The following OR3A2 variants were observed in gnomAD, a reference collection of about 807,000 sequenced individuals.
OR3A2 encodes the protein olfactory receptor family 3 subfamily A member 2.
For synonymous variants in OR3A2, 126 were observed against 159.3 expected (o/e 0.79, Z 1.57); for missense variants, 318 against 392.8 (o/e 0.81, Z 1.61).
chr17:3,304,448 C>T (rs560222884), intron 3 of OR3A2, among the ~76,000 whole-genome samples: 2 of 152,268 alleles, frequency 1.3e-5, no homozygotes, highest in African/African-American at 4.8e-5. Flanking sequence ...TGTGGTTGGC[C>T]ACTCTTTCTG....
At chr17:3,337,213 G>A (rs192302007) in intron 2 of OR3A2, among the ~76,000 whole-genome samples, 2 of 152,240 alleles carry the variant, frequency 1.3e-5, no homozygotes, top group East Asian at 3.9e-4. Flanking sequence ...GTAGGATTAA[G>A]TATATTCACT....
At chr17:3,350,347 G>C (rs1597353813) in intron 2 of OR3A2, among the ~76,000 whole-genome samples, 1 of 145,550 alleles carries the variant, frequency 6.9e-6, no homozygotes, top group African/African-American at 2.5e-5. Flanking sequence ...ATGATAAAGG[G>C]GATATCACCA....
At chr17:3,375,572 G>C (rs1429767130) in intron 2 of OR3A2, among the ~76,000 whole-genome samples, 1 of 152,090 alleles carries the variant, frequency 6.6e-6, no homozygotes, top group Non-Finnish European at 1.5e-5. Context: ...AAAATGTTGA[G>C]ATTACAGGCA....
chr17:3,283,018 T>TTCTC (rs150626528), intron 1 of OR3A2, among the ~76,000 whole-genome samples: 27,300 of 151,944 alleles, frequency 0.18, 3,027 homozygotes, highest in African/African-American at 0.29. Context: ...TGCTCTCCTC[T>TTCTC]TCTGTCTCTT....
At chr17:3,364,827 A>T (rs1391790557) in intron 2 of OR3A2, among the ~76,000 whole-genome samples, 2 of 152,172 alleles carry the variant, frequency 1.3e-5, no homozygotes, top group Non-Finnish European at 2.9e-5. Flanking sequence ...AGTAGCCAAG[A>T]TATGGAATCA....
In OR3A2 at chr17:3,377,239, G is replaced by A. The variant is rs954620083; in HGVS notation, c.-179+6565C>T. Among the ~76,000 whole-genome samples the A allele has an allele frequency of 9.2e-5, 14 of 152,128 alleles. No homozygotes were observed. The South Asian group carries it at 2.3e-3, about 25-fold the overall frequency. ...CAAGGGGGAGCTGCATGTTAGTCCC[G>A]TCTCCTAACCGCCATTTTCCTAGCA... On this transcript the variant is annotated intron_variant, in intron 2 of 4. Coordinates refer to the OR3A2 transcript ENST00000573491.
chr17:3,283,028 TTCTC>T (rs144145836), intron 1 of OR3A2, among the ~76,000 whole-genome samples: 4 of 151,090 alleles, frequency 2.6e-5, no homozygotes, highest in Admixed American at 6.6e-5. Flanking sequence ...TTCTGTCTCT[TTCTC>T]TCTCTCTCTC....
intron 3 of OR3A2, among the ~76,000 whole-genome samples, chr17:3,320,172 T>C (rs1367750460): frequency 4.0e-4 from 60 of 151,776 alleles, no homozygotes; most frequent in Admixed American, 7.2e-4. Flanking sequence ...TGCATAAATG[T>C]CTTCTTTTGA....
rs1324957004 is a variant in OR3A2 at position 3,330,118 on chromosome 17, A to T, written c.-85+5915T>A. On this transcript the variant is annotated intron_variant, in intron 3 of 4. Coordinates refer to the OR3A2 transcript ENST00000573491. The stretch of plus-strand genomic sequence containing the variant: ...CTGTTCTTTTACATTTGCTGAGGAG[A>T]GCTTTACTTCCAAGTATGTGGTCAA... 7.0e-3 allele frequency among the ~76,000 whole-genome samples: 1,014 copies of T among 145,488 alleles called. 13 individuals carry two copies. Among genetic ancestry groups the T allele is most frequent in the African/African-American group, 0.026 (948 of 36,482 alleles).
intron 2 of OR3A2, among the ~76,000 whole-genome samples, chr17:3,344,135 C>T (rs1280547974): frequency 6.6e-6 from 1 of 152,150 alleles, no homozygotes; most frequent in Non-Finnish European, 1.5e-5. Flanking sequence ...TGTGGCATTG[C>T]CCCTTCTTTA....
intron 3 of OR3A2, among the ~76,000 whole-genome samples, chr17:3,315,752 G>C (rs58096817): frequency 2.0e-4 from 7 of 35,060 alleles, no homozygotes; most frequent in African/African-American, 1.2e-3. Context: ...GTGAAAATAT[G>C]GGGGGGGGGG....
At chr17:3,355,910 T>A (rs972191704) in intron 2 of OR3A2, among the ~76,000 whole-genome samples, 2 of 151,344 alleles carry the variant, frequency 1.3e-5, no homozygotes, top group Non-Finnish European at 2.9e-5. Flanking sequence ...TTTCCTTCCT[T>A]CCTGTCTTTT....
intron 3 of OR3A2, among the ~76,000 whole-genome samples, chr17:3,325,833 G>T (rs982628330): frequency 6.6e-6 from 1 of 151,950 alleles, no homozygotes; most frequent in Non-Finnish European, 1.5e-5. Flanking sequence ...GGATGTGCAG[G>T]TTTATTACAT....
intron 1 of OR3A2, chr17:3,279,136 C>T: frequency 1.4e-6 from 1 of 737,878 alleles, no homozygotes; most frequent in South Asian, 2.0e-5. Flanking sequence ...CCTCTGCTAG[C>T]TGAAAAGGTC....
chr17:3,282,960 G>A (rs1427995353), intron 1 of OR3A2, among the ~76,000 whole-genome samples: 2 of 151,960 alleles, frequency 1.3e-5, no homozygotes, highest in Non-Finnish European at 2.9e-5. Context: ...ATCCTTCCTT[G>A]AAACTTCTCC....
At chr17:3,354,236 G>T (rs2049444656) in intron 2 of OR3A2, among the ~76,000 whole-genome samples, 1 of 147,636 alleles carries the variant, frequency 6.8e-6, no homozygotes, top group South Asian at 2.1e-4. Flanking sequence ...CTATTTTTTG[G>T]AACAGTTTGA....
At chr17:3,342,964 G>A (rs938393453) in intron 2 of OR3A2, among the ~76,000 whole-genome samples, 1 of 152,210 alleles carries the variant, frequency 6.6e-6, no homozygotes, top group Admixed American at 6.5e-5. Context: ...CAGCAATGGT[G>A]GACGCCCCTC....
chr17:3,383,559 T>A (rs2049755930), intron 2 of OR3A2, among the ~76,000 whole-genome samples: 1 of 152,178 alleles, frequency 6.6e-6, no homozygotes, highest in African/African-American at 2.4e-5. Flanking sequence ...CTCTTCTCAC[T>A]GCATCACACA....
chr17:3,355,439 TC>T (rs756482023), intron 2 of OR3A2, among the ~76,000 whole-genome samples: 14,053 of 145,146 alleles, frequency 0.097, 804 homozygotes, highest in Admixed American at 0.14. Flanking sequence ...TCTCTCTCTC[TC>T]TCTCTCTCTC....
Sources: allele counts gnomAD v4.1 joint callset (sites outside exome capture counted in the v4.1 genomes callset), GRCh38; gene constraint gnomAD v4.1.1; transcripts MANE v1.5; gene names NCBI Gene and HGNC (gene_info 2026-07-23, HGNC 2026-07-21).